SLC4A8: variants seen among roughly 807,000 people sequenced by gnomAD.
SLC4A8 encodes electroneutral sodium bicarbonate exchanger 1.
SLC4A8 carries 40 observed loss-of-function variants against 125.0 expected under a neutral mutation model. The ratio of observed to expected loss-of-function variants is 0.32; its 90% CI spans 0.25 to 0.42. The LOEUF (loss-of-function observed/expected upper bound fraction) is 0.42. SLC4A8 is among the 10% of genes least tolerant of loss of function. The pLI, the probability that SLC4A8 is intolerant of heterozygous loss-of-function variation, is 1.00. For synonymous variants in SLC4A8, 456 were observed against 476.0 expected (o/e 0.96, Z 0.55); for missense variants, 863 against 1,355.1 (o/e 0.64, Z 5.70).
At position 51,507,689 on chromosome 12, in the gene SLC4A8, C is replaced by T. The variant is rs1186338485; in HGVS notation, c.*251C>T. Reference sequence around the variant, plus strand: ...AGACCACCTCCTGTTGGTTCTTCTCCTCTTCCTTCTTTTTCTCTTTAGAAC... The same window carrying T: ...AGACCACCTCCTGTTGGTTCTTCTCTTCTTCCTTCTTTTTCTCTTTAGAAC... On this transcript the variant is annotated 3_prime_UTR_variant, in exon 25 of 25. Coordinates refer to ENST00000453097, the MANE Select transcript of SLC4A8 (RefSeq NM_001039960.3). 5.4e-6 allele frequency: 2 copies of T among 367,842 alleles called. No homozygotes were observed. Among genetic ancestry groups the T allele is most frequent in the African/African-American group, 2.1e-5 (1 of 47,858 alleles). The allele number at this position is 367,842 out of a possible 1,614,324, so 22.8% of individuals were successfully genotyped here.
At chr12:51,501,699 A>G (rs1176527805) in intron 22 of SLC4A8, 5 of 152,172 alleles carry the variant, frequency 3.3e-5, no homozygotes, top group Admixed American at 3.3e-4. Flanking sequence ...GTCTAATGCT[A>G]GTTCTATTTT....
At chr12:51,429,769 G>A (rs1354391847) in intron 1 of SLC4A8, among the ~76,000 whole-genome samples, 11 of 151,704 alleles carry the variant, frequency 7.3e-5, no homozygotes, top group Non-Finnish European at 1.6e-4. Flanking sequence ...TCGGCCTCCT[G>A]AAGTGCTGGG....
intron 17 of SLC4A8, among the ~76,000 whole-genome samples, chr12:51,487,308 C>T (rs747550307): frequency 1.4e-4 from 21 of 152,240 alleles, no homozygotes; most frequent in African/African-American, 4.8e-4. Flanking sequence ...AGGGGTATCA[C>T]GTCATTAAGG....
At chr12:51,478,273 T>C (rs1950915029) in intron 16 of SLC4A8, among the ~76,000 whole-genome samples, 1 of 82,584 alleles carries the variant, frequency 1.2e-5, no homozygotes, top group Non-Finnish European at 2.4e-5. Flanking sequence ...AAACTCCGTC[T>C]CAAAAAAAAA....
intron 1 of SLC4A8, among the ~76,000 whole-genome samples, chr12:51,408,875 G>C (rs1948543262): frequency 6.6e-6 from 1 of 152,032 alleles, no homozygotes; most frequent in Non-Finnish European, 1.5e-5. Flanking sequence ...GAAGGAGCGG[G>C]GAATGCATCT....
chr12:51,503,915 A>G (rs1470331772), intron 22 of SLC4A8, 114 bp from the exon 23 acceptor site: 1 of 625,968 alleles, frequency 1.6e-6, no homozygotes, highest in Non-Finnish European at 2.8e-6. Context: ...ACCTAATTAT[A>G]TTCTTTATAA....
chr12:51,497,767 C>T (rs1565822220), intron 22 of SLC4A8: 1 of 149,014 alleles, frequency 6.7e-6, no homozygotes, highest in Non-Finnish European at 1.5e-5. Flanking sequence ...ATGGGTTATC[C>T]CTGTAATTCC....
At chr12:51,432,858 G>A (rs1017955558) in intron 1 of SLC4A8, among the ~76,000 whole-genome samples, 5 of 152,170 alleles carry the variant, frequency 3.3e-5, no homozygotes, top group African/African-American at 1.2e-4. Flanking sequence ...TGGGAGTGAA[G>A]TAGAATGTTA....
chr12:51,463,885 C>T (rs1208391997), intron 11 of SLC4A8, among the ~76,000 whole-genome samples, 171 bp downstream of exon 11: 2 of 152,186 alleles, frequency 1.3e-5, no homozygotes, highest in South Asian at 2.1e-4. Context: ...TATCAAATAT[C>T]GTATTCATTC....
At chr12:51,453,327 T>G (rs535315367) in intron 4 of SLC4A8, among the ~76,000 whole-genome samples, 1 of 152,352 alleles carries the variant, frequency 6.6e-6, no homozygotes, top group Admixed American at 6.5e-5. Context: ...AGAATTTTCT[T>G]TAAATAAGAA....
Position 51,507,618 on chromosome 12 carries a change from A to G in SLC4A8, c.*180A>G. On this transcript the variant is annotated 3_prime_UTR_variant, in exon 25 of 25. Coordinates refer to ENST00000453097, the MANE Select transcript of SLC4A8 (RefSeq NM_001039960.3). ...GGTGTGCATTGGAAGGCATCCAGCT[A>G]TCCCCATACCAGCAGCCAGTCACCA... 6.5e-6 allele frequency: 3 copies of G among 462,212 alleles called. No individual in the cohort carries two copies. The highest frequency in any genetic ancestry group is 1.2e-5 in the Non-Finnish European group (3 of 253,838). 28.6% of individuals were successfully genotyped at this position (462,212 alleles called of 1,614,324 possible).
chr12:51,492,118 A>G (rs1951333572), intron 19 of SLC4A8, among the ~76,000 whole-genome samples: 1 of 152,072 alleles, frequency 6.6e-6, no homozygotes, highest in Non-Finnish European at 1.5e-5. Context: ...TTTGGTACAG[A>G]TAGAGGATAC....
chr12:51,395,436 G>C (rs1168025524), intron 1 of SLC4A8, among the ~76,000 whole-genome samples: 6 of 152,114 alleles, frequency 3.9e-5, no homozygotes, highest in Non-Finnish European at 8.8e-5. Flanking sequence ...GTGCATCAAG[G>C]GTGTTCCCCA....
intron 1 of SLC4A8, among the ~76,000 whole-genome samples, chr12:51,414,127 A>C (rs974070252): frequency 6.8e-6 from 1 of 147,222 alleles, no homozygotes; most frequent in Admixed American, 6.8e-5. Flanking sequence ...TCTTGCAGAG[A>C]TCTCTTACCT....
intron 1 of SLC4A8, among the ~76,000 whole-genome samples, chr12:51,416,207 TTTTG>T (rs1412268650): frequency 8.3e-6 from 1 of 119,882 alleles, no homozygotes; most frequent in African/African-American, 3.3e-5. Context: ...GATGGAGGTC[TTTTG>T]TTTTTTTTTT....
Position 51,400,779 on chromosome 12 carries a change from CAT to C in SLC4A8, c.-112+9293_-112+9294del, listed in dbSNP as rs1207065426. 1.9e-3 allele frequency among the ~76,000 whole-genome samples: 45 copies of C among 23,288 alleles called. 2 individuals are homozygous for C. In the East Asian group the frequency reaches 0.041, roughly 21 times the overall value. The allele number at this position is 23,288 out of a possible 152,430, so 15.3% of individuals were successfully genotyped here. A position where few individuals can be genotyped will look rare whatever the true frequency, so the allele number is the denominator to read the frequency against. Reference sequence around the variant, plus strand: ...ATATATATATATATATATATATATACATACATACACACACACACACACATATA... The same window carrying C: ...ATATATATATATATATATATATATACACATACACACACACACACACATATA... On this transcript the variant is annotated intron_variant, in intron 1 of 24. Transcript: ENST00000358657.
intron 12 of SLC4A8, 47 bp downstream of exon 12, chr12:51,469,835 T>C: frequency 1.3e-6 from 2 of 1,586,028 alleles, no homozygotes; most frequent in African/African-American, 2.7e-5. Context: ...AGACCTAAAA[T>C]ATTGTGGCGG....
At chr12:51,501,832 T>G (rs985256138) in intron 22 of SLC4A8, 2 of 152,248 alleles carry the variant, frequency 1.3e-5, no homozygotes, top group African/African-American at 4.8e-5. Flanking sequence ...TTTTTTGACT[T>G]TTTAATAATA....
intron 19 of SLC4A8, among the ~76,000 whole-genome samples, chr12:51,491,280 A>G (rs1951310544): frequency 6.6e-6 from 1 of 152,158 alleles, no homozygotes; most frequent in African/African-American, 2.4e-5. Flanking sequence ...TGGTATTGAA[A>G]GCCGAGGGAA....
Sources: allele counts gnomAD v4.1 joint callset (sites outside exome capture counted in the v4.1 genomes callset), GRCh38; gene constraint gnomAD v4.1.1; transcripts MANE v1.5; gene names NCBI Gene and HGNC (gene_info 2026-07-23, HGNC 2026-07-21).